Variants in NCKAP5 observed in about 807,000 individuals in gnomAD.
NCKAP5 encodes the protein NCK associated protein 5.
A neutral mutation model predicts 167.0 loss-of-function variants in NCKAP5; 92 were observed. That is an observed-to-expected ratio of 0.55 (90% CI 0.47 to 0.66). NCKAP5 has a LOEUF of 0.66. Ranked by LOEUF, NCKAP5 falls within the 30% of genes least tolerant of loss-of-function variation. The probability of loss-of-function intolerance (pLI) is 0.00; values close to 1 mark genes in which losing one functional copy is unlikely to be tolerated. For missense variants in NCKAP5, 2,378 were observed against 2,315.0 expected (o/e 1.03, Z -0.56); for synonymous variants, 891 against 877.4 (o/e 1.02, Z -0.27).
chr2:133,244,889 C>A (rs1230137737), intron 4 of NCKAP5, among the ~76,000 whole-genome samples: 2 of 152,294 alleles, frequency 1.3e-5, no homozygotes, highest in East Asian at 3.9e-4. Flanking sequence ...AAGAACATAT[C>A]TTGATGACTT....
At chr2:133,036,396 T>A (rs1320153020) in intron 6 of NCKAP5, among the ~76,000 whole-genome samples, 1 of 152,014 alleles carries the variant, frequency 6.6e-6, no homozygotes, top group Non-Finnish European at 1.5e-5. Flanking sequence ...ATATCTCTGA[T>A]GAATATTGAT....
chr2:132,818,560 C>T (rs539132789), intron 11 of NCKAP5, among the ~76,000 whole-genome samples: 2 of 152,018 alleles, frequency 1.3e-5, no homozygotes, highest in Non-Finnish European at 1.5e-5. Context: ...TGGTGGCGTG[C>T]GCCTGTAGTC....
chr2:133,303,596 C>A (rs938961623), intron 3 of NCKAP5, among the ~76,000 whole-genome samples: 1 of 151,948 alleles, frequency 6.6e-6, no homozygotes, highest in African/African-American at 2.4e-5. Flanking sequence ...ATGGACATGT[C>A]CATTTTTCTT....
intron 3 of NCKAP5, among the ~76,000 whole-genome samples, chr2:133,422,832 T>C (rs1689565896): frequency 6.6e-6 from 1 of 152,182 alleles, no homozygotes; most frequent in Admixed American, 6.5e-5. Context: ...AGGTTGAATT[T>C]ACCACCAAAG....
chr2:133,491,925 G>A (rs1394907430), intron 3 of NCKAP5, among the ~76,000 whole-genome samples: 1 of 152,190 alleles, frequency 6.6e-6, no homozygotes, highest in African/African-American at 2.4e-5. Flanking sequence ...CAATAAATCT[G>A]TGTATAAATG....
the NCKAP5 span, among the ~76,000 whole-genome samples, chr2:133,615,940 T>A: frequency 6.6e-6 from 1 of 150,664 alleles, no homozygotes; most frequent in Non-Finnish European, 1.5e-5. Context: ...ACAGAAATTA[T>A]AACAAACTAT....
chr2:133,387,916 G>T (rs535283930), intron 3 of NCKAP5, among the ~76,000 whole-genome samples: 1 of 152,236 alleles, frequency 6.6e-6, no homozygotes, highest in Admixed American at 6.5e-5. Context: ...GGACTTCTCT[G>T]CATTGGTTAT....
At chr2:133,410,656 C>A (rs2151056762) in intron 3 of NCKAP5, among the ~76,000 whole-genome samples, 1 of 152,246 alleles carries the variant, frequency 6.6e-6, no homozygotes, top group East Asian at 1.9e-4. Flanking sequence ...CTTAGAAATG[C>A]AAATTCTCAG....
chr2:133,145,679 T>A (rs2083166331), intron 5 of NCKAP5, among the ~76,000 whole-genome samples: 1 of 152,066 alleles, frequency 6.6e-6, no homozygotes, highest in Non-Finnish European at 1.5e-5. Context: ...TGCATGTAGT[T>A]CATATTTTAA....
chr2:132,830,066 C>T (rs1242885635), intron 11 of NCKAP5, among the ~76,000 whole-genome samples: 1 of 152,150 alleles, frequency 6.6e-6, no homozygotes, highest in Non-Finnish European at 1.5e-5. Flanking sequence ...GCTCCTCTTA[C>T]ACAAACTTAT....
intron 3 of NCKAP5, among the ~76,000 whole-genome samples, chr2:133,439,704 T>C (rs1307792394): frequency 6.6e-6 from 1 of 152,224 alleles, no homozygotes; most frequent in Non-Finnish European, 1.5e-5. Flanking sequence ...TCCTTGTCAA[T>C]GATGAGTCAG....
intron 2 of NCKAP5, among the ~76,000 whole-genome samples, chr2:133,528,555 T>C (rs1685106439): frequency 6.6e-6 from 1 of 152,206 alleles, no homozygotes; most frequent in Admixed American, 6.5e-5. Flanking sequence ...TGTACTTCAA[T>C]AGCAAAGGAT....
chr2:133,082,516 A>T (rs1022217928), intron 6 of NCKAP5, among the ~76,000 whole-genome samples: 1 of 152,130 alleles, frequency 6.6e-6, no homozygotes. Flanking sequence ...CACACTCTCC[A>T]TCTCATCCTG....
At chr2:132,684,949 G>T (rs111492126) in intron 19 of NCKAP5, among the ~76,000 whole-genome samples, 4,234 of 152,242 alleles carry the variant, frequency 0.028, 204 homozygotes, top group African/African-American at 0.095. Context: ...CAGTGACTGC[G>T]GAAGACTGTG....
rs561532035 is a variant in NCKAP5 at position 132,890,495 on chromosome 2, C to T, written c.580-11579G>A. Among the ~76,000 whole-genome samples the T allele has an allele frequency of 2.0e-5, 3 of 152,280 alleles. No individual in the cohort carries two copies. In the South Asian group the frequency reaches 6.2e-4, roughly 32 times the overall value. Reference sequence around the variant, plus strand: ...AAAATACACAGGTCCCCAAAATGTTCCTAATTCCCCTGCAGTCTGTTCTGT... The same window carrying T: ...AAAATACACAGGTCCCCAAAATGTTTCTAATTCCCCTGCAGTCTGTTCTGT... On this transcript the variant is annotated intron_variant, in intron 8 of 19. Coordinates refer to ENST00000409261, the MANE Select transcript of NCKAP5 (RefSeq NM_207363.3).
intron 16 of NCKAP5, among the ~76,000 whole-genome samples, chr2:132,734,593 G>C (rs1558987381): frequency 6.6e-6 from 1 of 151,950 alleles, no homozygotes; most frequent in Non-Finnish European, 1.5e-5. Context: ...TTTTTCTTTT[G>C]AGAAGACGCG....
At chr2:132,929,452 T>A (rs1696187240) in intron 8 of NCKAP5, among the ~76,000 whole-genome samples, 1 of 152,144 alleles carries the variant, frequency 6.6e-6, no homozygotes, top group Non-Finnish European at 1.5e-5. Context: ...AAATAAAAGG[T>A]TAAAAAACCC....
chr2:132,785,790 T>C lies in NCKAP5; in HGVS notation c.1093-72A>G, dbSNP rs149810475. The C allele has an allele frequency of 3.1e-4, 387 of 1,242,160 alleles. 3 individuals are homozygous for C. In the African/African-American group the frequency reaches 5.2e-3, roughly 17 times the overall value. 76.9% of individuals were successfully genotyped at this position (1,242,160 alleles called of 1,614,324 possible). A position where few individuals can be genotyped will look rare whatever the true frequency, so the allele number is the denominator to read the frequency against. ...ACAAAGATATAAAAGGAAAAGTACA[T>C]CATGGGACTTAATTTGTGCTAGTGG... On this transcript the variant is annotated intron_variant, in intron 13 of 19. Transcript: ENST00000409261.
At chr2:133,283,372 T>A (rs989430088) in intron 4 of NCKAP5, among the ~76,000 whole-genome samples, 3 of 152,168 alleles carry the variant, frequency 2.0e-5, no homozygotes, top group African/African-American at 7.2e-5. Flanking sequence ...CACACTAGAC[T>A]GTCTCATTCT....
Sources: gnomAD v4.1 joint callset for allele counts (sites outside exome capture counted in the v4.1 genomes callset) on GRCh38, gnomAD v4.1.1 for gene constraint, MANE v1.5 for transcripts, NCBI Gene and HGNC (gene_info 2026-07-23, HGNC 2026-07-21) for gene names.